The following TMEM132B variants were observed in gnomAD, a reference collection of about 807,000 sequenced individuals.
The protein encoded by TMEM132B is transmembrane protein 132B.
In TMEM132B, 18 loss-of-function variants were observed where a neutral mutation model predicts 90.8. That is an observed-to-expected ratio of 0.20 (90% confidence interval 0.14 to 0.29). The LOEUF (loss-of-function observed/expected upper bound fraction) is 0.29, where lower values mean the gene tolerates loss of function less well. Ranked by LOEUF, TMEM132B falls within the 10% of genes least tolerant of loss-of-function variation. The pLI is 1.00. For synonymous variants in TMEM132B, 504 were observed against 523.3 expected (o/e 0.96, Z 0.50); for missense variants, 1,096 against 1,326.8 (o/e 0.83, Z 2.70).
chr12:125,626,561 G>A (rs1886239064), intron 5 of TMEM132B, among the ~76,000 whole-genome samples: 1 of 151,652 alleles, frequency 6.6e-6, no homozygotes, highest in Non-Finnish European at 1.5e-5. Context: ...ATTTTTTTTG[G>A]CTGGGTATAG....
chr12:125,248,062 C>T (rs1874243625), intron 1 of TMEM132B, among the ~76,000 whole-genome samples: 1 of 152,160 alleles, frequency 6.6e-6, no homozygotes, highest in South Asian at 2.1e-4. Context: ...AAAATCACAG[C>T]CACCATGATT....
intron 4 of TMEM132B, among the ~76,000 whole-genome samples, chr12:125,546,789 C>A (rs1884104049): frequency 6.6e-6 from 1 of 152,100 alleles, no homozygotes; most frequent in Non-Finnish European, 1.5e-5. Flanking sequence ...TGGGTATATA[C>A]CTAGGAGTGG....
At chr12:125,240,804 G>A (rs1874046182) in intron 1 of TMEM132B, among the ~76,000 whole-genome samples, 1 of 152,204 alleles carries the variant, frequency 6.6e-6, no homozygotes, top group South Asian at 2.1e-4. Context: ...CGGACTCTGT[G>A]GTGGGATTAG....
chr12:125,334,307 G>T (rs1413362727), intron 1 of TMEM132B, among the ~76,000 whole-genome samples: 3 of 152,160 alleles, frequency 2.0e-5, no homozygotes, highest in Non-Finnish European at 2.9e-5. Flanking sequence ...TGGAAACGCT[G>T]CCCAGAACTA....
Position 125,459,140 on chromosome 12 carries a change from C to T in TMEM132B, c.1106+43463C>T, listed in dbSNP as rs1191966149. Among the ~76,000 whole-genome samples the T allele has an allele frequency of 6.6e-6, 1 of 152,178 alleles. No individual in the cohort carries two copies. Among genetic ancestry groups the T allele is most frequent in the African/African-American group, 2.4e-5 (1 of 41,450 alleles). On this transcript the variant is annotated intron_variant, in intron 3 of 8. Transcript: ENST00000682704. This position sits in a 1 kb window ranked among gnomAD's most constrained non-coding sequence, Gnocchi z 4.1. The stretch of plus-strand genomic sequence containing the variant: ...AGGCTCCCTGCTAATTGCTGTTTCT[C>T]ATGTGTCCATGCCTGTGTGGTTTGA...
intron 3 of TMEM132B, among the ~76,000 whole-genome samples, chr12:125,472,840 T>A (rs1343748567): frequency 2.0e-5 from 3 of 152,154 alleles, no homozygotes; most frequent in African/African-American, 7.2e-5. Context: ...GAGTGATAAG[T>A]TTCGGTTGTT....
chr12:125,356,632 C>CT (rs1449977877), intron 2 of TMEM132B, among the ~76,000 whole-genome samples: 2 of 152,238 alleles, frequency 1.3e-5, no homozygotes, highest in Non-Finnish European at 2.9e-5. Context: ...CAGGAGCCCC[C>CT]TTGAGGTCTC....
rs141446063 is a variant in TMEM132B at position 125,603,393 on chromosome 12, G to T, written c.1437+19399G>T. On this transcript the variant is annotated intron_variant, in intron 5 of 8. Coordinates refer to ENST00000682704, the MANE Select transcript of TMEM132B (RefSeq NM_001366854.1). The stretch of plus-strand genomic sequence containing the variant: ...TAAATGGTGCTGTGAAAACTGGCTA[G>T]CCATATGCAGAAAACTAAAACTGGA... Among the ~76,000 whole-genome samples the T allele has an allele frequency of 8.6e-3, 1,314 of 152,254 alleles. 21 individuals carry two copies. Among genetic ancestry groups the T allele is most frequent in the African/African-American group, 0.031 (1,267 of 41,538 alleles).
chr12:125,342,717 T>C (rs142348382), intron 1 of TMEM132B, among the ~76,000 whole-genome samples: 109 of 152,334 alleles, frequency 7.2e-4, no homozygotes, highest in African/African-American at 2.4e-3. Flanking sequence ...ATCTGCTTCC[T>C]GTTCCTGTGA....
At chr12:125,553,712 T>A (rs973456376) in intron 4 of TMEM132B, among the ~76,000 whole-genome samples, 3 of 152,346 alleles carry the variant, frequency 2.0e-5, no homozygotes, top group African/African-American at 7.2e-5. Flanking sequence ...CATTTCTGAT[T>A]AGGTCAAGAA....
At chr12:125,631,281 G>A (rs1177970914) in intron 5 of TMEM132B, among the ~76,000 whole-genome samples, 1 of 151,920 alleles carries the variant, frequency 6.6e-6, no homozygotes, top group Non-Finnish European at 1.5e-5. Flanking sequence ...TAATTTCCAT[G>A]TATTTGCATA....
At chr12:125,627,431 G>C (rs1472978134) in intron 5 of TMEM132B, among the ~76,000 whole-genome samples, 2 of 151,942 alleles carry the variant, frequency 1.3e-5, no homozygotes, top group Non-Finnish European at 2.9e-5. Flanking sequence ...TCCTTTTTAT[G>C]ATTAGAGTTG....
At chr12:125,530,569 C>A (rs1425463048) in intron 4 of TMEM132B, among the ~76,000 whole-genome samples, 1 of 152,254 alleles carries the variant, frequency 6.6e-6, no homozygotes, top group Admixed American at 6.5e-5. Context: ...TATTTTCTCA[C>A]AGCTCTGGAG....
At chr12:125,376,282 T>C (rs1878478589) in intron 2 of TMEM132B, among the ~76,000 whole-genome samples, 1 of 152,266 alleles carries the variant, frequency 6.6e-6, no homozygotes, top group South Asian at 2.1e-4. Context: ...ATATTGCTTT[T>C]TTTTTCCACT....
rs180781660 is a variant in TMEM132B, at chr12:125,499,410, T to G, written c.1107-20029T>G. On this transcript the variant is annotated intron_variant, in intron 3 of 8. Transcript: ENST00000682704. ...AAATACAAAATTGCATGCAGGATTG[T>G]GTAAAGACAATGCCAGGTTGGACTG... Among the ~76,000 whole-genome samples the G allele has an allele frequency of 3.2e-3, 489 of 152,310 alleles. 5 individuals are homozygous for G. Among genetic ancestry groups the G allele is most frequent in the African/African-American group, 0.011 (468 of 41,548 alleles).
At chr12:125,642,349 A>G (rs577903149) in intron 5 of TMEM132B, among the ~76,000 whole-genome samples, 1 of 152,348 alleles carries the variant, frequency 6.6e-6, no homozygotes, top group Admixed American at 6.5e-5. Context: ...GCTCTAAAAT[A>G]CAGCTAATTT....
At chr12:125,493,649 A>C (rs1593173069) in intron 3 of TMEM132B, among the ~76,000 whole-genome samples, 2 of 152,120 alleles carry the variant, frequency 1.3e-5, no homozygotes, top group East Asian at 3.9e-4. Context: ...GGGCGCTGCC[A>C]GTGCACTGGC....
chr12:125,606,703 G>A (rs1235081887), intron 5 of TMEM132B, among the ~76,000 whole-genome samples: 2 of 152,320 alleles, frequency 1.3e-5, no homozygotes, highest in Non-Finnish European at 1.5e-5. Context: ...CATCAGAAGT[G>A]GGTCTTCTCT....
At chr12:125,465,852 C>T (rs866903590) in intron 3 of TMEM132B, among the ~76,000 whole-genome samples, 3 of 152,216 alleles carry the variant, frequency 2.0e-5, no homozygotes, top group Non-Finnish European at 4.4e-5. Flanking sequence ...AATTCTGGGG[C>T]CCCCTGCCTC....
Sources: gnomAD v4.1 joint callset for allele counts (sites outside exome capture counted in the v4.1 genomes callset) on GRCh38, gnomAD v4.1.1 for gene constraint, Gnocchi (gnomAD v3.1) non-coding constraint, MANE v1.5 for transcripts, NCBI Gene and HGNC (gene_info 2026-07-23, HGNC 2026-07-21) for gene names.